Variants in DCTN4 observed in about 807,000 individuals in gnomAD.
DCTN4 encodes dynactin subunit 4.
Under a neutral mutation model 62.7 loss-of-function variants are expected in DCTN4, and 23 were observed. The ratio of observed to expected loss-of-function variants is 0.37; its 90% confidence interval spans 0.26 to 0.52. The LOEUF is 0.52. Ranked by LOEUF, DCTN4 falls within the 20% of genes least tolerant of loss-of-function variation. The probability of loss-of-function intolerance (pLI) is 0.92; values close to 1 mark genes in which losing one functional copy is unlikely to be tolerated. For synonymous variants in DCTN4, 199 were observed against 202.1 expected (o/e 0.98, Z 0.13); for missense variants, 514 against 580.4 (o/e 0.89, Z 1.18).
At chr5:150,737,036 G>T (rs889940801) in intron 4 of DCTN4, among the ~76,000 whole-genome samples, 42 of 152,286 alleles carry the variant, frequency 2.8e-4, no homozygotes, top group African/African-American at 1.0e-3. Flanking sequence ...ATTATATAAT[G>T]ATAAAAGGAC....
At chr5:150,739,615 T>A (rs753658557) in intron 4 of DCTN4, among the ~76,000 whole-genome samples, 1 of 152,158 alleles carries the variant, frequency 6.6e-6, no homozygotes, top group African/African-American at 2.4e-5. Flanking sequence ...AGAGCCTACA[T>A]AGCCAAAGCA....
At chr5:150,715,519 T>C (rs1249410386) in intron 12 of DCTN4, 46 bp downstream of exon 12, 1 of 1,462,590 alleles carries the variant, frequency 6.8e-7, no homozygotes, top group Non-Finnish European at 9.5e-7. Flanking sequence ...GTGGGCATTC[T>C]ATTATCAGCC....
At chr5:150,726,256 T>C (rs569086106) in intron 8 of DCTN4, among the ~76,000 whole-genome samples, 1 of 152,286 alleles carries the variant, frequency 6.6e-6, no homozygotes, top group Non-Finnish European at 1.5e-5. Flanking sequence ...CTCCTTAAAA[T>C]AGAATTTTAA....
chr5:150,746,291 CAAT>C (rs1760959416), intron 3 of DCTN4, among the ~76,000 whole-genome samples: 1 of 129,688 alleles, frequency 7.7e-6, no homozygotes, highest in Non-Finnish European at 1.5e-5. Context: ...GAAATTGAGG[CAAT>C]AATAGCTTAC....
At position 150,730,528 on chromosome 5, in the gene DCTN4, T is replaced by C; in HGVS notation, c.834+103A>G. 6.1e-6 allele frequency: 6 copies of C among 979,870 alleles called. No individual in the cohort carries two copies. In the South Asian group the frequency reaches 7.4e-5, roughly 12 times the overall value. The allele number at this position is 979,870 out of a possible 1,614,324, so 60.7% of individuals were successfully genotyped here. On this transcript the variant is annotated intron_variant, in intron 8 of 12. Coordinates refer to ENST00000447998, the MANE Select transcript of DCTN4 (RefSeq NM_016221.4). ...GTATGTTCTCTACAAGTATTTTCTG[T>C]ATTTAATACATTCCAAAGGTTTTGA...
intron 12 of DCTN4, among the ~76,000 whole-genome samples, chr5:150,711,739 C>T (rs542452178): frequency 1.3e-5 from 2 of 152,096 alleles, no homozygotes; most frequent in East Asian, 1.9e-4. Context: ...AGGCTGGTCT[C>T]GAACACCAGG....
intron 4 of DCTN4, among the ~76,000 whole-genome samples, chr5:150,740,830 A>G (rs1317729020): frequency 2.6e-5 from 4 of 152,202 alleles, no homozygotes; most frequent in Non-Finnish European, 5.9e-5. Flanking sequence ...ATTCTCACTC[A>G]TAAGAGGGAG....
At chr5:150,746,295 A>G in intron 3 of DCTN4, among the ~76,000 whole-genome samples, 1 of 151,830 alleles carries the variant, frequency 6.6e-6, no homozygotes, top group Non-Finnish European at 1.5e-5. Context: ...TTGAGGCAAT[A>G]ATAGCTTACC....
intron 11 of DCTN4, among the ~76,000 whole-genome samples, chr5:150,716,371 T>C (rs754064660): frequency 1.2e-4 from 19 of 152,170 alleles, no homozygotes; most frequent in Non-Finnish European, 1.6e-4. Context: ...TCCTGGTACC[T>C]GATACATAAA....
In DCTN4 at chr5:150,715,494, G is replaced by C. The variant is rs940944407; in HGVS notation, c.1169+71C>G. On this transcript the variant is annotated intron_variant, in intron 12 of 12. Coordinates refer to ENST00000447998, the MANE Select transcript of DCTN4 (RefSeq NM_016221.4). ...AAGTTATTTTAAAAAATCCAGACAAGAAAACTGGATATAAGTGGGCATTCT... is the reference window on the plus strand; with the variant it reads ...AAGTTATTTTAAAAAATCCAGACAACAAAACTGGATATAAGTGGGCATTCT... 40 of 1,198,374 alleles carry C rather than the reference G, an allele frequency of 3.3e-5. No homozygotes were observed. In the African/African-American group the frequency reaches 5.2e-4, roughly 16 times the overall value. 74.2% of individuals were successfully genotyped at this position (1,198,374 alleles called of 1,614,324 possible). A position where few individuals can be genotyped will look rare whatever the true frequency, so the allele number is the denominator to read the frequency against.
intron 8 of DCTN4, among the ~76,000 whole-genome samples, chr5:150,727,790 AAAAAAAAC>A (rs1353695532): frequency 2.0e-5 from 3 of 150,642 alleles, no homozygotes; most frequent in African/African-American, 4.9e-5. Flanking sequence ...AAAAAAAAAA[AAAAAAAAC>A]AAAAAACCCA....
At chr5:150,738,367 C>T (rs964010279) in intron 4 of DCTN4, among the ~76,000 whole-genome samples, 2 of 152,026 alleles carry the variant, frequency 1.3e-5, no homozygotes, top group African/African-American at 2.4e-5. Flanking sequence ...AAATCCTTAA[C>T]GAAATACTAG....
chr5:150,733,627 G>A (rs989845786), intron 4 of DCTN4, 152 bp from the exon 5 acceptor site: 77 of 515,552 alleles, frequency 1.5e-4, no homozygotes, highest in African/African-American at 5.8e-4. Flanking sequence ...ATTTTTCTTC[G>A]TTATGTGATC....
At chr5:150,730,923 T>A (rs1760337999) in intron 7 of DCTN4, 121 bp downstream of exon 7, 4 of 781,880 alleles carry the variant, frequency 5.1e-6, no homozygotes, top group Non-Finnish European at 8.4e-6. Flanking sequence ...TTTTATTTTC[T>A]ACATATTGTT....
At chr5:150,731,269 A>C in intron 6 of DCTN4, 113 bp from the exon 7 acceptor site, 1 of 972,270 alleles carries the variant, frequency 1.0e-6, no homozygotes, top group Non-Finnish European at 1.6e-6. Flanking sequence ...CTGTCATAGA[A>C]TATCTGTATA....
At position 150,751,660 on chromosome 5, in the gene DCTN4, ATCTT is replaced by A. The variant is rs369659954; in HGVS notation, c.385+1815_385+1818del. Among the ~76,000 whole-genome samples the A allele has an allele frequency of 5.7e-3, 866 of 152,298 alleles. 7 individuals are homozygous for A. The highest frequency in any genetic ancestry group is 0.02 in the African/African-American group (834 of 41,570). On this transcript the variant is annotated intron_variant, in intron 3 of 12. Transcript: ENST00000447998. The stretch of plus-strand genomic sequence containing the variant: ...TGGCAATTTTCAAAGATGTTACAGA[ATCTT>A]TCTATTTTCAGTCACACTTCAGGTA...
At chr5:150,714,717 T>C (rs1759693360) in intron 12 of DCTN4, among the ~76,000 whole-genome samples, 1 of 152,084 alleles carries the variant, frequency 6.6e-6, no homozygotes, top group Non-Finnish European at 1.5e-5. Context: ...AGTAAGCAGT[T>C]GAAGTTTTCC....
At chr5:150,735,290 G>A (rs1760535189) in intron 4 of DCTN4, among the ~76,000 whole-genome samples, 1 of 152,182 alleles carries the variant, frequency 6.6e-6, no homozygotes, top group Admixed American at 6.5e-5. Context: ...TCCACCACCT[G>A]TGACATCCTG....
rs371714786 is a variant in DCTN4, at chr5:150,710,922, G to A, written c.*227C>T. 1.1e-5 allele frequency: 6 copies of A among 554,670 alleles called. No individual in the cohort carries two copies. Among genetic ancestry groups the A allele is most frequent in the East Asian group, 3.1e-5 (1 of 32,508 alleles). The allele number at this position is 554,670 out of a possible 1,614,324, so 34.4% of individuals were successfully genotyped here. A position where few individuals can be genotyped will look rare whatever the true frequency, so the allele number is the denominator to read the frequency against. On this transcript the variant is annotated 3_prime_UTR_variant, in exon 13 of 13. Coordinates refer to ENST00000447998, the MANE Select transcript of DCTN4 (RefSeq NM_016221.4). ...GCTGTTACTCAACGTGCAGGGTTCA[G>A]TGAGGGAGACACAGACTTACTGGTG...
Sources: allele counts gnomAD v4.1 joint callset (sites outside exome capture counted in the v4.1 genomes callset), GRCh38; gene constraint gnomAD v4.1.1; transcripts MANE v1.5; gene names NCBI Gene and HGNC (gene_info 2026-07-23, HGNC 2026-07-21).